The following EVI5 variants were observed in gnomAD, a reference collection of about 807,000 sequenced individuals.
The protein encoded by EVI5 is ecotropic viral integration site 5 protein homolog.
In EVI5, 73 loss-of-function variants were observed where a neutral mutation model predicts 112.0. The ratio of observed to expected loss-of-function variants is 0.65; its 90% CI spans 0.54 to 0.79. EVI5 has a LOEUF of 0.79. Among genes scored for constraint, EVI5 ranks in the 30% least tolerant of loss-of-function variants. EVI5 has a pLI of 0.00. For missense variants in EVI5, 900 were observed against 968.8 expected, an observed-to-expected ratio of 0.93 and a Z score of 0.94; for synonymous variants, 305 against 319.9, an observed-to-expected ratio of 0.95 and a Z score of 0.50.
chr1:92,738,141 G>A (rs1397995327), intron 1 of EVI5, among the ~76,000 whole-genome samples: 1 of 152,126 alleles, frequency 6.6e-6, no homozygotes, highest in Admixed American at 6.6e-5. Flanking sequence ...AGGGCAAAAG[G>A]CCGTATAGGA....
chr1:92,577,841 T>C (rs1227687669), intron 18 of EVI5, among the ~76,000 whole-genome samples: 1 of 152,250 alleles, frequency 6.6e-6, no homozygotes, highest in Admixed American at 6.5e-5. Context: ...GATATTTTAA[T>C]ATCTTCATAT....
chr1:92,777,262 T>C (rs1343538520), intron 1 of EVI5, among the ~76,000 whole-genome samples: 1 of 152,098 alleles, frequency 6.6e-6, no homozygotes, highest in Non-Finnish European at 1.5e-5. Flanking sequence ...TTTAATAAAT[T>C]TTATTATATA....
intron 10 of EVI5, among the ~76,000 whole-genome samples, chr1:92,671,484 A>T (rs993529874): frequency 2.0e-5 from 3 of 151,952 alleles, no homozygotes; most frequent in Admixed American, 2.0e-4. Context: ...CAATACTATG[A>T]CCCCGCCAAT....
chr1:92,665,853 G>C, intron 11 of EVI5, 86 bp downstream of exon 11: 1 of 916,934 alleles, frequency 1.1e-6, no homozygotes, highest in Non-Finnish European at 1.7e-6. Flanking sequence ...GGAGACATGT[G>C]CCAGAATTTT....
rs142311283 is a variant in EVI5, at chr1:92,724,306, C to T, written c.149+12092G>A. Among the ~76,000 whole-genome samples the T allele has an allele frequency of 2.5e-4, 38 of 152,122 alleles. 2 individuals carry two copies. The East Asian group carries it at 6.0e-3, about 24-fold the overall frequency. On this transcript the variant is annotated intron_variant, in intron 2 of 19. Coordinates refer to ENST00000684568, the MANE Select transcript of EVI5 (RefSeq NM_001350197.2). ...TACTCTTTCTCTTTATTTCTCAGAC[C>T]GGCCGACACTTAGGGAAAATAGAAA...
At chr1:92,599,681 G>A (rs1648699964) in intron 18 of EVI5, among the ~76,000 whole-genome samples, 1 of 152,168 alleles carries the variant, frequency 6.6e-6, no homozygotes, top group African/African-American at 2.4e-5. Flanking sequence ...TTCAAAAGTA[G>A]AGGAGTAAGA....
intron 13 of EVI5, among the ~76,000 whole-genome samples, chr1:92,648,843 T>C (rs1369791716): frequency 6.6e-6 from 1 of 152,230 alleles, no homozygotes; most frequent in African/African-American, 2.4e-5. Flanking sequence ...TGTATACACA[T>C]ACTTGTTTGA....
intron 2 of EVI5, among the ~76,000 whole-genome samples, chr1:92,735,545 G>C (rs1481616678): frequency 2.0e-5 from 3 of 148,986 alleles, no homozygotes; most frequent in African/African-American, 4.9e-5. Context: ...GCATTATATA[G>C]CTTGACTGAG....
At chr1:92,699,019 G>A (rs760870686) in intron 5 of EVI5, among the ~76,000 whole-genome samples, 1 of 152,134 alleles carries the variant, frequency 6.6e-6, no homozygotes, top group Non-Finnish European at 1.5e-5. Flanking sequence ...TTATACCAGT[G>A]TGTTTCAAAA....
intron 13 of EVI5, among the ~76,000 whole-genome samples, chr1:92,653,877 G>A (rs537382430): frequency 6.6e-6 from 1 of 152,302 alleles, no homozygotes; most frequent in South Asian, 2.1e-4. Flanking sequence ...AGTGGTGTCT[G>A]ACCAATTTGA....
intron 19 of EVI5, among the ~76,000 whole-genome samples, chr1:92,547,518 TAG>T (rs1557757703): frequency 6.6e-6 from 1 of 151,858 alleles, no homozygotes; most frequent in East Asian, 1.9e-4. Flanking sequence ...CTGAAGGAGA[TAG>T]AGACACAAAA....
intron 1 of EVI5, among the ~76,000 whole-genome samples, chr1:92,772,487 A>G (rs1190567400): frequency 6.6e-6 from 1 of 151,998 alleles, no homozygotes; most frequent in Non-Finnish European, 1.5e-5. Flanking sequence ...TTTCTTGGGG[A>G]AAATTGTTTA....
At chr1:92,514,331 T>C (rs975322684) in intron 19 of EVI5, among the ~76,000 whole-genome samples, 6 of 152,008 alleles carry the variant, frequency 3.9e-5, no homozygotes, top group African/African-American at 1.2e-4. Flanking sequence ...TTTTTTTGTA[T>C]TTTTTGTAGA....
chr1:92,712,338 T>C (rs1672972557), intron 2 of EVI5, among the ~76,000 whole-genome samples: 1 of 151,942 alleles, frequency 6.6e-6, no homozygotes, highest in Non-Finnish European at 1.5e-5. Context: ...TTCTGAAAAA[T>C]AGAATTTTTT....
intron 1 of EVI5, among the ~76,000 whole-genome samples, chr1:92,760,868 A>G (rs989441524): frequency 6.6e-6 from 1 of 152,134 alleles, no homozygotes; most frequent in Admixed American, 6.5e-5. Flanking sequence ...CATCCTGGCT[A>G]ATACGGTGAA....
At chr1:92,722,546 A>G (rs1027877502) in intron 2 of EVI5, among the ~76,000 whole-genome samples, 4 of 138,962 alleles carry the variant, frequency 2.9e-5, no homozygotes, top group Admixed American at 8.5e-5. Flanking sequence ...ATTCTCACCT[A>G]TGAGTGAGAA....
intron 19 of EVI5, among the ~76,000 whole-genome samples, chr1:92,527,108 A>G (rs1662010289): frequency 6.6e-6 from 1 of 152,202 alleles, no homozygotes; most frequent in South Asian, 2.1e-4. Context: ...GTTTGAGGCT[A>G]TGTGTGTTTC....
At chr1:92,550,775 AAAAAAAATATATATATATATATATAT>A (rs1268948419) in intron 19 of EVI5, among the ~76,000 whole-genome samples, 18 of 43,990 alleles carry the variant, frequency 4.1e-4, no homozygotes, top group African/African-American at 1.9e-3. Context: ...AAAAAAAAAA[AAAAAAAATATATATATATATATATAT>A]ATATATATAT....
rs1032394961 is a variant in EVI5, at chr1:92,620,515, A to C, written c.1827+3661T>G. Among the ~76,000 whole-genome samples the C allele has an allele frequency of 5.9e-5, 9 of 152,090 alleles. 1 individual carries two copies. The highest frequency in any genetic ancestry group is 3.9e-4 in the Admixed American group (6 of 15,290). ...GCTACAAACAAAGAGAAAAGCTTGA[A>C]GGCAACCAGAGGAAAAAATACATTA... On this transcript the variant is annotated intron_variant, in intron 16 of 19. Transcript: ENST00000684568.
Sources: gnomAD v4.1 joint callset for allele counts (sites outside exome capture counted in the v4.1 genomes callset) on GRCh38, gnomAD v4.1.1 for gene constraint, MANE v1.5 for transcripts, NCBI Gene and HGNC (gene_info 2026-07-23, HGNC 2026-07-21) for gene names.